Variants in PTPRT observed in about 807,000 individuals in gnomAD.
PTPRT encodes the protein receptor-type tyrosine-protein phosphatase T.
Under a neutral mutation model 176.8 loss-of-function variants are expected in PTPRT, and 56 were observed. The ratio of observed to expected loss-of-function variants is 0.32; its 90% confidence interval spans 0.26 to 0.40. The LOEUF (loss-of-function observed/expected upper bound fraction) is 0.40, where lower values mean the gene tolerates loss of function less well. Ranked by LOEUF, PTPRT falls within the 10% of genes least tolerant of loss-of-function variation. The pLI, the probability that PTPRT is intolerant of heterozygous loss-of-function variation, is 1.00. For missense variants in PTPRT, 1,540 were observed against 1,908.2 expected (o/e 0.81, Z 3.60); for synonymous variants, 783 against 739.0 (o/e 1.06, Z -0.96).
intron 2 of PTPRT, among the ~76,000 whole-genome samples, chr20:42,805,880 T>C (rs2077599944): frequency 6.6e-6 from 1 of 152,136 alleles, no homozygotes; most frequent in Non-Finnish European, 1.5e-5. Flanking sequence ...GTGCTTCTCA[T>C]CTTTTGCCAA....
intron 2 of PTPRT, among the ~76,000 whole-genome samples, chr20:42,866,181 A>G (rs888103623): frequency 2.6e-5 from 4 of 152,220 alleles, no homozygotes; most frequent in African/African-American, 9.6e-5. Context: ...AGGTCTGGTA[A>G]GCATCAAACA....
intron 6 of PTPRT, among the ~76,000 whole-genome samples, chr20:42,685,066 C>T (rs777926688): frequency 9.9e-5 from 15 of 152,068 alleles, no homozygotes; most frequent in African/African-American, 2.4e-4. Flanking sequence ...GCAACATGCC[C>T]GGGGTCTGCA....
intron 1 of PTPRT, among the ~76,000 whole-genome samples, chr20:42,982,615 T>C (rs1383028103): frequency 6.6e-6 from 1 of 152,102 alleles, no homozygotes; most frequent in Admixed American, 6.5e-5. Context: ...AGGTGACCAG[T>C]GTAGATGGAT....
At chr20:42,157,892 C>T (rs992699831) in intron 17 of PTPRT, among the ~76,000 whole-genome samples, 2 of 152,238 alleles carry the variant, frequency 1.3e-5, no homozygotes, top group African/African-American at 4.8e-5. Flanking sequence ...AAGGCTACTA[C>T]ACTGTGAAGA....
intron 7 of PTPRT, among the ~76,000 whole-genome samples, chr20:42,512,885 G>C (rs2071983971): frequency 6.6e-6 from 1 of 152,048 alleles, no homozygotes; most frequent in Non-Finnish European, 1.5e-5. Flanking sequence ...TTGAGACAGA[G>C]TTTCGCTCTT....
At position 42,366,274 on chromosome 20, in the gene PTPRT, T is replaced by C. The variant is rs190031855; in HGVS notation, c.1561-13989A>G. Among the ~76,000 whole-genome samples, 563 of 152,342 alleles carry C rather than the reference T, an allele frequency of 3.7e-3. 3 individuals are homozygous for C. Among genetic ancestry groups the C allele is most frequent in the African/African-American group, 0.013 (537 of 41,594 alleles). On this transcript the variant is annotated intron_variant, in intron 9 of 30. Transcript: ENST00000373187. ...CCTCCCCTGAGTGCCCATTGGCAGA[T>C]GGGTGGTGCCCAGGCTTGTTATCTG...
intron 18 of PTPRT, among the ~76,000 whole-genome samples, chr20:42,137,405 G>A (rs1988428022): frequency 6.6e-6 from 1 of 152,196 alleles, no homozygotes; most frequent in African/African-American, 2.4e-5. Flanking sequence ...ACCTCCTTCT[G>A]GAAAAGATGG....
At chr20:42,110,584 C>T (rs975187315) in intron 22 of PTPRT, 97 bp from the exon 23 acceptor site, 53 of 1,338,348 alleles carry the variant, frequency 4.0e-5, no homozygotes, top group East Asian at 1.2e-4. Context: ...AGGAACCTCC[C>T]GCAGGGACAG....
intron 27 of PTPRT, among the ~76,000 whole-genome samples, chr20:42,095,326 T>G (rs1176941433): frequency 2.0e-5 from 3 of 152,212 alleles, no homozygotes; most frequent in African/African-American, 7.2e-5. Context: ...AAGCCCAAGT[T>G]CTTCTATGTC....
chr20:42,626,059 C>T (rs1248416114), intron 7 of PTPRT, among the ~76,000 whole-genome samples: 1 of 152,014 alleles, frequency 6.6e-6, no homozygotes, highest in African/African-American at 2.4e-5. Flanking sequence ...TCGATATCAG[C>T]TAACAGCATG....
intron 12 of PTPRT, among the ~76,000 whole-genome samples, chr20:42,294,717 T>A: frequency 6.6e-6 from 1 of 151,468 alleles, no homozygotes; most frequent in East Asian, 1.9e-4. Context: ...TATTACAAAC[T>A]GAATTAAATA....
chr20:42,231,510 G>A (rs2056134744), intron 15 of PTPRT, among the ~76,000 whole-genome samples: 1 of 152,176 alleles, frequency 6.6e-6, no homozygotes, highest in African/African-American at 2.4e-5. Flanking sequence ...TTCAACTTCT[G>A]CCCTTTTGTA....
chr20:42,200,336 T>C (rs1297202212), intron 15 of PTPRT, among the ~76,000 whole-genome samples: 1 of 152,200 alleles, frequency 6.6e-6, no homozygotes, highest in Non-Finnish European at 1.5e-5. Flanking sequence ...GTTGTGAGGA[T>C]TAAATGAGAC....
At chr20:42,442,792 A>G (rs1220849909) in intron 9 of PTPRT, among the ~76,000 whole-genome samples, 1 of 152,222 alleles carries the variant, frequency 6.6e-6, no homozygotes, top group East Asian at 1.9e-4. Flanking sequence ...AACTCTGAAC[A>G]GCTTGTCTCT....
intron 7 of PTPRT, among the ~76,000 whole-genome samples, chr20:42,646,741 A>T (rs1250001488): frequency 6.6e-6 from 1 of 151,888 alleles, no homozygotes; most frequent in African/African-American, 2.4e-5. Flanking sequence ...GGGTAAAACT[A>T]AGGGGATACT....
chr20:42,612,378 C>T (rs2073990212), intron 7 of PTPRT, among the ~76,000 whole-genome samples: 1 of 151,984 alleles, frequency 6.6e-6, no homozygotes, highest in Admixed American at 6.6e-5. Context: ...GGAGAAACAC[C>T]CCCCACCCCA....
intron 2 of PTPRT, among the ~76,000 whole-genome samples, chr20:42,830,931 T>A (rs2078073507): frequency 6.6e-6 from 1 of 152,118 alleles, no homozygotes; most frequent in Non-Finnish European, 1.5e-5. Flanking sequence ...ATGCTCATGA[T>A]AGGAAGAATT....
In PTPRT at chr20:42,617,202, G is replaced by A. The variant is rs1311751651; in HGVS notation, c.1153+60664C>T. Among the ~76,000 whole-genome samples, 6 of 136,112 alleles carry A rather than the reference G, an allele frequency of 4.4e-5. 2 individuals are homozygous for A. The highest frequency in any genetic ancestry group is 9.8e-5 in the African/African-American group (3 of 30,478). The allele number at this position is 136,112 out of a possible 152,430, so 89.3% of individuals were successfully genotyped here. A position where few individuals can be genotyped will look rare whatever the true frequency, so the allele number is the denominator to read the frequency against. The stretch of plus-strand genomic sequence containing the variant: ...TCCGCATCTATTGAGATAATCATGT[G>A]GTTTTTGTCTTTGGCTCTGTTTATA... On this transcript the variant is annotated intron_variant, in intron 7 of 30. Coordinates refer to ENST00000373187, the MANE Select transcript of PTPRT (RefSeq NM_007050.6).
chr20:42,711,989 C>T (rs1231360282), intron 6 of PTPRT, among the ~76,000 whole-genome samples: 2 of 151,960 alleles, frequency 1.3e-5, no homozygotes, highest in Non-Finnish European at 2.9e-5. Flanking sequence ...CCCCTTGATG[C>T]CTGGATAACC....
Sources: gnomAD v4.1 joint callset for allele counts (sites outside exome capture counted in the v4.1 genomes callset) on GRCh38, gnomAD v4.1.1 for gene constraint, MANE v1.5 for transcripts, NCBI Gene and HGNC (gene_info 2026-07-23, HGNC 2026-07-21) for gene names.